The following CAD variants were observed in gnomAD, a reference collection of about 807,000 sequenced individuals.
CAD encodes multifunctional protein CAD.
In CAD, 81 loss-of-function variants were observed where a neutral mutation model predicts 237.2. The ratio of observed to expected loss-of-function variants is 0.34; its 90% CI spans 0.29 to 0.41. The LOEUF is 0.41. Ranked by LOEUF, CAD falls within the 10% of genes least tolerant of loss-of-function variation. The probability of loss-of-function intolerance (pLI) is 1.00; values close to 1 mark genes in which losing one functional copy is unlikely to be tolerated. For synonymous variants in CAD, 1,196 were observed against 1,162.8 expected (o/e 1.03, Z -0.58); for missense variants, 2,181 against 2,951.7 (o/e 0.74, Z 6.05).
intron 14 of CAD, 41 bp downstream of exon 14, chr2:27,226,690 G>C: frequency 6.2e-7 from 1 of 1,611,074 alleles, no homozygotes; most frequent in East Asian, 2.2e-5. Flanking sequence ...GAAGTGGGTC[G>C]GGGGCTGAGG....
rs760486956 is a variant in CAD at position 27,222,999 on chromosome 2, A to G, written c.771A>G (p.Leu257=). 3.8e-5 allele frequency: 61 copies of G among 1,613,918 alleles called. No homozygotes were observed. The highest frequency in any genetic ancestry group is 4.6e-5 in the Non-Finnish European group (54 of 1,180,018). ...TTGGGATCTGCCTGGGACACCAGCT[A>G]TTGGCCTTAGCCATTGGGGCCAAGA... is the stretch of plus-strand genomic sequence containing the variant. ...PVFGICLGHQ[L]LALAIGAKTY... Residue 257 remains leucine (L), a synonymous_variant, in exon 6 of 44, where the codon CTA becomes CTG. Transcript: ENST00000264705.
chr2:27,235,202 C>T lies in CAD; in HGVS notation c.3787-43C>T, dbSNP rs368900904. ...CGTCTCTGCTGGTGAGGGAGGAGGT[C>T]CTCTCACACCTTGGCCCTCTCTCTT... On this transcript the variant is annotated intron_variant, in intron 23 of 43. Transcript: ENST00000264705. The surrounding 1 kb of genome is among the most constrained non-coding windows in gnomAD (Gnocchi z 5.2). 3.0e-4 allele frequency: 461 copies of T among 1,532,670 alleles called. 1 individual carries two copies. The highest frequency in any genetic ancestry group is 3.8e-4 in the Non-Finnish European group (425 of 1,129,558). 94.9% of individuals were successfully genotyped at this position (1,532,670 alleles called of 1,614,324 possible). A position where few individuals can be genotyped will look rare whatever the true frequency, so the allele number is the denominator to read the frequency against.
In CAD at chr2:27,222,614, G is replaced by C. The variant is rs370767094; in HGVS notation, c.591G>C (p.Gly197=). The change falls in exon 5 of 44, where the codon GGG becomes GGC. Residue 197 remains glycine, a synonymous_variant. Transcript: ENST00000264705. Reference sequence around the variant, plus strand: ...AGATCCGATGCCTCTGCCAGCGTGGGGCTGAGGTCACTGTGGTACCCTGGG... The same window carrying C: ...AGATCCGATGCCTCTGCCAGCGTGGCGCTGAGGTCACTGTGGTACCCTGGG... ...YNQIRCLCQR[G]AEVTVVPWDH... The C allele has an allele frequency of 6.8e-6, 11 of 1,614,022 alleles. No homozygotes were observed. In the Middle Eastern group the frequency reaches 4.9e-4, roughly 72 times the overall value.
intron 15 of CAD, among the ~76,000 whole-genome samples, chr2:27,228,039 T>C (rs1558533335): frequency 6.6e-6 from 1 of 152,226 alleles, no homozygotes; most frequent in Non-Finnish European, 1.5e-5. Context: ...TACAAAGAAA[T>C]TGAACAAAAT....
rs1445364728 is a variant in CAD at position 27,233,551 on chromosome 2, G to C, written c.3216+15G>C. The C allele has an allele frequency of 6.2e-7, 1 of 1,613,960 alleles. No individual in the cohort carries two copies. The highest frequency in any genetic ancestry group is 8.5e-7 in the Non-Finnish European group (1 of 1,179,824). On this transcript the variant is annotated intron_variant, in intron 20 of 43. Coordinates refer to ENST00000264705, the MANE Select transcript of CAD (RefSeq NM_004341.5). This position sits in a 1 kb window ranked among gnomAD's most constrained non-coding sequence, Gnocchi z 6.3. ...GTGACCTCGAGGTGGGCTGGGACCT[G>C]GTGGGTTACCCGGAGGCTGGATGAT...
At position 27,237,631 on chromosome 2, in the gene CAD, C is replaced by T; in HGVS notation, c.4563+86C>T. The T allele has an allele frequency of 3.2e-6, 5 of 1,574,296 alleles. No individual in the cohort carries two copies. The highest frequency in any genetic ancestry group is 4.3e-6 in the Non-Finnish European group (5 of 1,157,634). ...TTCCCTGAGCCCTTTTCCTTCTGCCCCGCCCTATGGGCCCAGGCCACTGGT... is the reference window on the plus strand; with the variant it reads ...TTCCCTGAGCCCTTTTCCTTCTGCCTCGCCCTATGGGCCCAGGCCACTGGT... On this transcript the variant is annotated intron_variant, in intron 28 of 43. Coordinates refer to ENST00000264705, the MANE Select transcript of CAD (RefSeq NM_004341.5). This position sits in a 1 kb window ranked among gnomAD's most constrained non-coding sequence, Gnocchi z 4.0.
rs759500845 is a variant in CAD, at chr2:27,231,592, C to G, written c.2400+12C>G. 3 of 1,542,720 alleles carry G rather than the reference C, an allele frequency of 1.9e-6. No individual in the cohort carries two copies. The highest frequency in any genetic ancestry group is 2.2e-5 in the East Asian group (1 of 44,532). ...CAGTCAGCGATATGGTAAGTAGCTC[C>G]CCTCCCCTGGCAATACCCCTAAAAT... On this transcript the variant is annotated intron_variant, in intron 16 of 43. Transcript: ENST00000264705.
rs1274405454 is a variant in CAD, at chr2:27,239,559, C to G, written c.5394+88C>G. The G allele has an allele frequency of 6.5e-7, 1 of 1,546,660 alleles. No individual in the cohort carries two copies. Among genetic ancestry groups the G allele is most frequent in the Non-Finnish European group, 8.9e-7 (1 of 1,127,694 alleles). ...CCTTCCCAGCACATCTACACTGTCCCACTATGTGCACCACTGCCCTGGACC... is the reference window on the plus strand; with the variant it reads ...CCTTCCCAGCACATCTACACTGTCCGACTATGTGCACCACTGCCCTGGACC... On this transcript the variant is annotated intron_variant, in intron 33 of 43. Coordinates refer to ENST00000264705, the MANE Select transcript of CAD (RefSeq NM_004341.5). The surrounding 1 kb of genome is among the most constrained non-coding windows in gnomAD (Gnocchi z 4.0).
At chr2:27,228,661 G>C (rs766312149) in intron 15 of CAD, among the ~76,000 whole-genome samples, 2 of 151,776 alleles carry the variant, frequency 1.3e-5, no homozygotes, top group Admixed American at 6.6e-5. Context: ...GTGTGATCTC[G>C]GCTCACCACA....
chr2:27,241,114 G>T lies in CAD; in HGVS notation c.5695G>T (p.Ala1899Ser), dbSNP rs770541452. The change falls in exon 37 of 44, where the codon GCA becomes TCA. Residue 1899 changes from alanine (A) to serine (S), a missense_variant. Physicochemically the swap from Ala to Ser is moderately conservative, Grantham distance 99 (BLOSUM62 1). Coordinates refer to ENST00000264705, the MANE Select transcript of CAD (RefSeq NM_004341.5). This position sits in a 1 kb window ranked among gnomAD's most constrained non-coding sequence, Gnocchi z 4.6. The stretch of plus-strand genomic sequence containing the variant: ...CCCTCCACCACCAGTACCGAGACAG[G>T]CATCTCCCCAGAACCTGGGGACCCC... Reference protein sequence around the residue: ...CYPPPPVPRQASPQNLGTPGL... With the variant: ...CYPPPPVPRQSSPQNLGTPGL... 1.2e-6 allele frequency: 2 copies of T among 1,609,252 alleles called. No homozygotes were observed. Among genetic ancestry groups the T allele is most frequent in the Non-Finnish European group, 1.7e-6 (2 of 1,178,014 alleles).
chr2:27,241,890 T>C lies in CAD; in HGVS notation c.5884-21T>C. 6.2e-7 allele frequency: 1 copy of C among 1,603,330 alleles called. No individual in the cohort carries two copies. Among genetic ancestry groups the C allele is most frequent in the Non-Finnish European group, 8.5e-7 (1 of 1,171,430 alleles). ...AGGGTGGACACGCATACGTACACCT[T>C]CCATCTTGCTCTTTCCCTAGGGGAA... On this transcript the variant is annotated intron_variant, in intron 38 of 43. Coordinates refer to ENST00000264705, the MANE Select transcript of CAD (RefSeq NM_004341.5). This position sits in a 1 kb window ranked among gnomAD's most constrained non-coding sequence, Gnocchi z 4.6.
chr2:27,219,890 T>G (rs1275642308), intron 2 of CAD, among the ~76,000 whole-genome samples: 1 of 152,136 alleles, frequency 6.6e-6, no homozygotes, highest in Non-Finnish European at 1.5e-5. Context: ...CGCCTGGCCT[T>G]TTCTTTTTTA....
Position 27,232,140 on chromosome 2 carries a change from G to A in CAD, c.2561G>A (p.Arg854His), listed in dbSNP as rs1234946556. The A allele has an allele frequency of 6.8e-6, 11 of 1,614,112 alleles. No homozygotes were observed. Among genetic ancestry groups the A allele is most frequent in the East Asian group, 2.2e-5 (1 of 44,902 alleles). ...IAHAQLLEQH[R>H]GQPLPPDLLQ... ...CATGCCCAGCTGCTAGAACAACACC[G>A]TGGACAGCCTTTGCCGCCAGACCTG... Residue 854 changes from arginine to histidine, a missense_variant, in exon 17 of 44, where the codon CGT (arginine) becomes CAT (histidine). Around this residue, in one of 12 missense-constraint regions of CAD, gnomAD observed 385 missense variants for 535.1 expected, o/e 0.72. Transcript: ENST00000264705. The surrounding 1 kb of genome is among the most constrained non-coding windows in gnomAD (Gnocchi z 4.1).
chr2:27,221,204 CT>C lies in CAD; in HGVS notation c.223-11del. 1 of 1,495,456 alleles carries C rather than the reference CT, an allele frequency of 6.7e-7. No individual in the cohort carries two copies. Among genetic ancestry groups the C allele is most frequent in the Non-Finnish European group, 9.0e-7 (1 of 1,113,276 alleles). The allele number at this position is 1,495,456 out of a possible 1,614,324, so 92.6% of individuals were successfully genotyped here. ...CTTGGCCTGAGGCTTCTCACAATCTCTTTCCATCTACAGTGGTTTGAATCCT... is the reference window on the plus strand; with the variant it reads ...CTTGGCCTGAGGCTTCTCACAATCTCTTCCATCTACAGTGGTTTGAATCCT... On this transcript the variant is annotated splice_polypyrimidine_tract_variant and intron_variant, in intron 2 of 43. Transcript: ENST00000264705.
In CAD at chr2:27,217,863, C is replaced by T; in HGVS notation, c.83-14C>T. 6.3e-7 allele frequency: 1 copy of T among 1,588,780 alleles called. No individual in the cohort carries two copies. The highest frequency in any genetic ancestry group is 1.7e-4 in the Middle Eastern group (1 of 5,946). On this transcript the variant is annotated splice_polypyrimidine_tract_variant and intron_variant, in intron 1 of 43. Transcript: ENST00000264705. ...GGTGCCCTACCGGAGCCCAGCCCTGCTTCTTTCTTGCAGTGTTTCAAACCG... is the reference window on the plus strand; with the variant it reads ...GGTGCCCTACCGGAGCCCAGCCCTGTTTCTTTCTTGCAGTGTTTCAAACCG...
At chr2:27,231,329 C>A in intron 15 of CAD, 139 bp from the exon 16 acceptor site, 1 of 619,706 alleles carries the variant, frequency 1.6e-6, no homozygotes, top group Non-Finnish European at 2.9e-6. Context: ...AGTTGTGAAA[C>A]ACCATGAATC....
chr2:27,234,512 C>T lies in CAD; in HGVS notation c.3619-6C>T. The T allele has an allele frequency of 6.2e-7, 1 of 1,613,160 alleles. No individual in the cohort carries two copies. The highest frequency in any genetic ancestry group is 1.7e-4 in the Middle Eastern group (1 of 5,928). ...CAGAAGGCCTGACCAGTCTTCTCTG[C>T]CCCAGGATGACCAGCTGAAAGTTAT... On this transcript the variant is annotated splice_region_variant and splice_polypyrimidine_tract_variant and intron_variant, in intron 22 of 43. Transcript: ENST00000264705.
chr2:27,220,375 C>T (rs962563638), intron 2 of CAD, among the ~76,000 whole-genome samples: 6 of 152,040 alleles, frequency 3.9e-5, no homozygotes, highest in Non-Finnish European at 7.4e-5. Context: ...AGGCGGGGCG[C>T]GGTAGCTCAT....
rs1389134719 is a variant in CAD at position 27,233,823 on chromosome 2, A to G, written c.3399+15A>G. On this transcript the variant is annotated intron_variant, in intron 21 of 43. Transcript: ENST00000264705. This position sits in a 1 kb window ranked among gnomAD's most constrained non-coding sequence, Gnocchi z 6.3. ...AGGAGGCTAAGGTGGGAGGCTGCAG[A>G]CAGTGAAGTCTCTGAGGGCATGCTG... The G allele has an allele frequency of 1.2e-6, 2 of 1,612,394 alleles. No individual in the cohort carries two copies. Among genetic ancestry groups the G allele is most frequent in the Non-Finnish European group, 1.7e-6 (2 of 1,179,440 alleles).
Sources: gnomAD v4.1 joint callset for allele counts (sites outside exome capture counted in the v4.1 genomes callset) on GRCh38, gnomAD v4.1.1 for gene constraint, gnomAD v4.1.1 regional missense constraint, Gnocchi (gnomAD v3.1) non-coding constraint, MANE v1.5 for transcripts, NCBI Gene and HGNC (gene_info 2026-07-23, HGNC 2026-07-21) for gene names.